SLC7A2: variants seen among roughly 807,000 people sequenced by gnomAD.
SLC7A2 encodes cationic amino acid transporter 2.
SLC7A2 carries 48 observed loss-of-function variants against 58.9 expected under a neutral mutation model. That is an observed-to-expected ratio of 0.82 (90% confidence interval 0.65 to 1.04). The LOEUF is 1.04. Ranked by LOEUF, SLC7A2 falls within the 50% of genes least tolerant of loss-of-function variation. The probability of loss-of-function intolerance (pLI) is 0.00; values close to 1 mark genes in which losing one functional copy is unlikely to be tolerated. For missense variants in SLC7A2, 1,029 were observed against 818.8 expected (o/e 1.26, Z -3.13); for synonymous variants, 363 against 314.5 (o/e 1.15, Z -1.63).
At chr8:17,512,961 C>T (rs1800664778) in intron 2 of SLC7A2, among the ~76,000 whole-genome samples, 2 of 152,164 alleles carry the variant, frequency 1.3e-5, no homozygotes, top group Non-Finnish European at 2.9e-5. Flanking sequence ...CAGCATGTGT[C>T]AGAATTTCCG....
At chr8:17,508,560 C>A (rs955062271) in intron 2 of SLC7A2, among the ~76,000 whole-genome samples, 1 of 152,070 alleles carries the variant, frequency 6.6e-6, no homozygotes, top group African/African-American at 2.4e-5. Context: ...CACATCTCTA[C>A]TAAAAATACA....
chr8:17,554,735 A>G (rs1013523350), intron 8 of SLC7A2, 36 bp downstream of exon 8: 8 of 1,579,848 alleles, frequency 5.1e-6, no homozygotes, highest in African/African-American at 1.4e-5. Context: ...GAAACGGGGG[A>G]TCTTTTTCAT....
rs7813711 is a variant in SLC7A2 at position 17,502,005 on chromosome 8, A to G, written c.-68-252A>G. ...CTAGTTTTTCCCACAGTTGTGGGGA[A>G]AATTCTCTTCTTTCCTTAACCCATT... On this transcript the variant is annotated intron_variant, in intron 1 of 12. Coordinates refer to ENST00000494857, the MANE Select transcript of SLC7A2 (RefSeq NM_001370338.1). Among the ~76,000 whole-genome samples, 601 of 152,132 alleles carry G rather than the reference A, an allele frequency of 4.0e-3. 3 individuals carry two copies. The highest frequency in any genetic ancestry group is 0.014 in the African/African-American group (570 of 41,484).
Position 17,515,417 on chromosome 8 carries a change from T to A in SLC7A2, c.-23+13115T>A, listed in dbSNP as rs544036675. 2.6e-5 allele frequency among the ~76,000 whole-genome samples: 4 copies of A among 151,938 alleles called. No individual in the cohort carries two copies. The South Asian group carries it at 8.3e-4, about 32-fold the overall frequency. ...TTCAAGCGATTCTCCTGCCTCAGCC[T>A]CCTGAGTAGCTGGGATTACAGGCAC... On this transcript the variant is annotated intron_variant, in intron 2 of 12. Coordinates refer to ENST00000494857, the MANE Select transcript of SLC7A2 (RefSeq NM_001370338.1).
intron 2 of SLC7A2, among the ~76,000 whole-genome samples, chr8:17,529,983 A>C (rs961328416): frequency 6.6e-6 from 1 of 152,102 alleles, no homozygotes; most frequent in Non-Finnish European, 1.5e-5. Context: ...GCACCAACCT[A>C]ATACGTCTTG....
chr8:17,555,725 T>A (rs982799711), intron 8 of SLC7A2, among the ~76,000 whole-genome samples: 2 of 152,160 alleles, frequency 1.3e-5, no homozygotes, highest in African/African-American at 4.8e-5. Context: ...GTTTTGGTAC[T>A]TAAATTATGT....
chr8:17,506,228 A>G (rs1327002455), intron 2 of SLC7A2, among the ~76,000 whole-genome samples: 4 of 152,186 alleles, frequency 2.6e-5, no homozygotes, highest in African/African-American at 9.7e-5. Context: ...GTAGTACTAG[A>G]GCTGTGAAAA....
At chr8:17,537,660 G>A (rs1489594519) in intron 2 of SLC7A2, among the ~76,000 whole-genome samples, 1 of 152,144 alleles carries the variant, frequency 6.6e-6, no homozygotes, top group Admixed American at 6.5e-5. Context: ...TGTTTGCAAA[G>A]GCACATATAA....
chr8:17,565,105 A>T lies in SLC7A2; in HGVS notation c.1936A>T (p.Ser646Cys), dbSNP rs755935592. ...AAATGACCATCACCCAAGAAATCTC[A>T]GTTCACCTTTCATATTCCATGAAAA... ...QANDHHPRNL[S>C]SPFIFHEKTS... The change falls in exon 13 of 13, where the codon AGT becomes TGT. Residue 646 changes from serine to cysteine, a missense_variant. Transcript: ENST00000494857. 1 of 1,607,884 alleles carries T rather than the reference A, an allele frequency of 6.2e-7. No homozygotes were observed. Among genetic ancestry groups the T allele is most frequent in the Admixed American group, 1.7e-5 (1 of 59,904 alleles).
chr8:17,513,750 C>T (rs75170973), intron 2 of SLC7A2, among the ~76,000 whole-genome samples: 1 of 152,260 alleles, frequency 6.6e-6, no homozygotes, highest in African/African-American at 2.4e-5. Flanking sequence ...ATCTAAGAAG[C>T]GAGGCAAGGA....
At chr8:17,538,899 G>T in intron 2 of SLC7A2, 1 of 1,613,676 alleles carries the variant, frequency 6.2e-7, no homozygotes, top group Non-Finnish European at 8.5e-7. Flanking sequence ...CTGCCCCACC[G>T]GTTTGCGACA....
chr8:17,554,471 C>A, intron 7 of SLC7A2, 89 bp from the exon 8 acceptor site: 1 of 1,058,492 alleles, frequency 9.4e-7, no homozygotes, highest in Non-Finnish European at 1.3e-6. Flanking sequence ...AACTGTCATG[C>A]TGAATATTAT....
At chr8:17,537,802 G>A (rs1395752274) in intron 2 of SLC7A2, among the ~76,000 whole-genome samples, 1 of 152,226 alleles carries the variant, frequency 6.6e-6, no homozygotes, top group East Asian at 1.9e-4. Context: ...CTGACACCCA[G>A]CTCTGGTTGG....
chr8:17,522,917 C>G (rs1801074338), intron 2 of SLC7A2, among the ~76,000 whole-genome samples: 1 of 152,048 alleles, frequency 6.6e-6, no homozygotes, highest in Admixed American at 6.6e-5. Flanking sequence ...GCCCCCGTAT[C>G]CCAGCTACTT....
At chr8:17,504,243 C>T (rs1348877646) in intron 2 of SLC7A2, among the ~76,000 whole-genome samples, 1 of 152,152 alleles carries the variant, frequency 6.6e-6, no homozygotes, top group Non-Finnish European at 1.5e-5. Context: ...CAGCTGTGTG[C>T]CCTCTGAGAA....
chr8:17,560,529 C>A lies in SLC7A2; in HGVS notation c.1500C>A (p.Phe500Leu). ...CTCTCGTGAGCTTTCTGGTAGGATT[C>A]CTAGGTAAGTCTTCTTCTCTGCTTA... ...SASLVSFLVG[F>L]LAFLVLGLSV... The change falls in exon 10 of 13, where the codon TTC becomes TTA. Residue 500 changes from phenylalanine (F) to leucine (L), a missense_variant. Coordinates refer to ENST00000494857, the MANE Select transcript of SLC7A2 (RefSeq NM_001370338.1). The A allele has an allele frequency of 1.2e-6, 2 of 1,612,576 alleles. No homozygotes were observed. Among genetic ancestry groups the A allele is most frequent in the Non-Finnish European group, 1.7e-6 (2 of 1,178,770 alleles).
intron 7 of SLC7A2, among the ~76,000 whole-genome samples, chr8:17,554,318 A>G (rs962496170): frequency 1.3e-5 from 2 of 152,164 alleles, no homozygotes; most frequent in African/African-American, 4.8e-5. Context: ...TTTTAGTCTG[A>G]TAATTTTGCT....
chr8:17,544,116 C>A (rs1387839241), intron 3 of SLC7A2, among the ~76,000 whole-genome samples: 1 of 152,202 alleles, frequency 6.6e-6, no homozygotes, highest in Non-Finnish European at 1.5e-5. Flanking sequence ...GTGATCCACT[C>A]ACCTCGGCCT....
chr8:17,522,708 G>T (rs1002857348), intron 2 of SLC7A2, among the ~76,000 whole-genome samples: 6 of 149,206 alleles, frequency 4.0e-5, no homozygotes, highest in African/African-American at 1.2e-4. Flanking sequence ...GTGAGGGAAA[G>T]CTTCCTTTGT....
Sources: allele counts gnomAD v4.1 joint callset (sites outside exome capture counted in the v4.1 genomes callset), GRCh38; gene constraint gnomAD v4.1.1; transcripts MANE v1.5; gene names NCBI Gene and HGNC (gene_info 2026-07-23, HGNC 2026-07-21).